Variants in CFAP44 observed in about 807,000 individuals in gnomAD.
CFAP44 encodes cilia- and flagella-associated protein 44.
In CFAP44, 134 loss-of-function variants were observed where a neutral mutation model predicts 216.2. That is an observed-to-expected ratio of 0.62 (90% confidence interval 0.54 to 0.72). CFAP44 has a LOEUF of 0.72. Among genes scored for constraint, CFAP44 ranks in the 30% least tolerant of loss-of-function variants. The pLI is 0.00. For synonymous variants in CFAP44, 700 were observed against 727.6 expected (o/e 0.96, Z 0.61); for missense variants, 2,035 against 2,182.1 (o/e 0.93, Z 1.34).
chr3:113,347,617 T>C (rs1337323671), intron 22 of CFAP44, among the ~76,000 whole-genome samples: 1 of 152,096 alleles, frequency 6.6e-6, no homozygotes, highest in Non-Finnish European at 1.5e-5. Flanking sequence ...CAAAGCCCCA[T>C]TGGGTGGGGA....
chr3:113,430,417 GGAAAAATAAAT>G (rs201576396), intron 2 of CFAP44, among the ~76,000 whole-genome samples: 27,292 of 127,206 alleles, frequency 0.21, 2,961 homozygotes, highest in East Asian at 0.49. Context: ...TCAAGAAGCT[GGAAAAATAAAT>G]GAAAAAAAAA....
intron 24 of CFAP44, among the ~76,000 whole-genome samples, chr3:113,335,815 C>T (rs1017285975): frequency 2.0e-5 from 3 of 152,312 alleles, no homozygotes; most frequent in South Asian, 2.1e-4. Flanking sequence ...TGAATTTTTA[C>T]GTAGATAGAC....
chr3:113,302,452 C>G (rs1361817438), intron 32 of CFAP44, among the ~76,000 whole-genome samples: 4 of 74,842 alleles, frequency 5.3e-5, no homozygotes, highest in Non-Finnish European at 7.6e-5. Context: ...ATACACTAGA[C>G]AAAGTAAAAA....
Position 113,291,479 on chromosome 3 carries a change from T to G in CFAP44, c.*78A>C. The G allele has an allele frequency of 3.5e-6, 5 of 1,439,600 alleles. No individual in the cohort carries two copies. Among genetic ancestry groups the G allele is most frequent in the African/African-American group, 1.4e-5 (1 of 70,704 alleles). 89.2% of individuals were successfully genotyped at this position (1,439,600 alleles called of 1,614,324 possible). A position where few individuals can be genotyped will look rare whatever the true frequency, so the allele number is the denominator to read the frequency against. On this transcript the variant is annotated 3_prime_UTR_variant, in exon 35 of 35. Coordinates refer to ENST00000393845, the MANE Select transcript of CFAP44 (RefSeq NM_001164496.2). ...GCGAGTTCAGTTTAAAGTAATAAGA[T>G]TGTTGGAGGTGATGAGGAGACAGAA...
chr3:113,428,329 G>A (rs571659323), intron 2 of CFAP44, among the ~76,000 whole-genome samples: 44 of 152,296 alleles, frequency 2.9e-4, no homozygotes, highest in East Asian at 1.9e-4. Flanking sequence ...AATGAATTGC[G>A]AGTGAATACA....
intron 17 of CFAP44, among the ~76,000 whole-genome samples, chr3:113,377,190 T>C (rs1933369666): frequency 1.3e-5 from 2 of 152,132 alleles, no homozygotes; most frequent in South Asian, 4.2e-4. Context: ...ATGTAATAAT[T>C]TGGAAAGTGA....
rs1339370626 is a variant in CFAP44, at chr3:113,319,315, C to G, written c.4516+7130G>C. Among the ~76,000 whole-genome samples the G allele has an allele frequency of 2.0e-5, 3 of 152,180 alleles. No homozygotes were observed. In the East Asian group the frequency reaches 5.8e-4, roughly 29 times the overall value. On this transcript the variant is annotated intron_variant, in intron 28 of 34. Coordinates refer to ENST00000393845, the MANE Select transcript of CFAP44 (RefSeq NM_001164496.2). ...ATATCAGATAAAACAGACTTTAAAC[C>G]AATAAAAATTAAGAAGGATAATGAA...
rs1159899726 is a variant in CFAP44, at chr3:113,438,503, C to T, written c.-6+2950G>A. ...ACTGGATAAGGTTGTTCTGAGTCAA[C>T]ACAGGAAAGCTCTAAGAATGATACA... is the stretch of plus-strand genomic sequence containing the variant. On this transcript the variant is annotated intron_variant, in intron 1 of 34. Coordinates refer to ENST00000393845, the MANE Select transcript of CFAP44 (RefSeq NM_001164496.2). Among the ~76,000 whole-genome samples, 3 of 152,136 alleles carry T rather than the reference C, an allele frequency of 2.0e-5. No homozygotes were observed. In the East Asian group the frequency reaches 5.8e-4, roughly 29 times the overall value.
intron 15 of CFAP44, among the ~76,000 whole-genome samples, chr3:113,389,017 C>T (rs2107346670): frequency 6.6e-6 from 1 of 152,248 alleles, no homozygotes; most frequent in South Asian, 2.1e-4. Context: ...GCACTATAGA[C>T]CAAATTGACC....
chr3:113,305,684 G>C (rs1390974210), intron 30 of CFAP44, among the ~76,000 whole-genome samples: 1 of 152,190 alleles, frequency 6.6e-6, no homozygotes, highest in Non-Finnish European at 1.5e-5. Context: ...AAGTGATGTT[G>C]CTCTAGACAA....
intron 24 of CFAP44, among the ~76,000 whole-genome samples, chr3:113,337,479 A>C (rs1950290748): frequency 6.6e-6 from 1 of 152,182 alleles, no homozygotes; most frequent in African/African-American, 2.4e-5. Context: ...TGGAAAGACA[A>C]AGTAATTATA....
At chr3:113,400,391 G>T (rs1040691778) in intron 12 of CFAP44, among the ~76,000 whole-genome samples, 154 bp downstream of exon 12, 2 of 151,898 alleles carry the variant, frequency 1.3e-5, no homozygotes, top group African/African-American at 4.8e-5. Context: ...TGTGTTTTGT[G>T]GCCTCTCCTC....
At chr3:113,399,853 A>C (rs1934094606) in intron 13 of CFAP44, 53 bp downstream of exon 13, 2 of 1,224,190 alleles carry the variant, frequency 1.6e-6, no homozygotes. Flanking sequence ...AATAGCATTG[A>C]TATACCATAT....
chr3:113,311,354 G>C (rs1245958635), intron 28 of CFAP44, among the ~76,000 whole-genome samples: 1 of 152,202 alleles, frequency 6.6e-6, no homozygotes. Flanking sequence ...GGGACCTGGT[G>C]GGAAATAATT....
At chr3:113,334,270 T>C (rs1202463786) in intron 24 of CFAP44, among the ~76,000 whole-genome samples, 2 of 152,198 alleles carry the variant, frequency 1.3e-5, no homozygotes, top group Non-Finnish European at 2.9e-5. Flanking sequence ...TGTAATTGCA[T>C]AAGTGCTTGC....
intron 2 of CFAP44, among the ~76,000 whole-genome samples, chr3:113,430,429 G>GAAAAAAAAAAAAAAAAAA (rs754983161): frequency 2.4e-4 from 18 of 74,130 alleles, no homozygotes; most frequent in East Asian, 9.0e-4. Context: ...AAAAATAAAT[G>GAAAAAAAAAAAAAAAAAA]AAAAAAAAAA....
At chr3:113,426,326 C>A in intron 3 of CFAP44, 49 bp from the exon 4 acceptor site, 1 of 1,583,120 alleles carries the variant, frequency 6.3e-7, no homozygotes, top group Non-Finnish European at 8.6e-7. Flanking sequence ...TGGCTGTGTC[C>A]CCACCCAAAT....
At chr3:113,337,369 A>T (rs1320612590) in intron 24 of CFAP44, among the ~76,000 whole-genome samples, 1 of 152,120 alleles carries the variant, frequency 6.6e-6, no homozygotes, top group Non-Finnish European at 1.5e-5. Context: ...CAATAAAGAT[A>T]CAAATTCTCC....
intron 15 of CFAP44, among the ~76,000 whole-genome samples, chr3:113,382,067 A>T (rs1292816111): frequency 1.3e-5 from 2 of 152,158 alleles, no homozygotes. Flanking sequence ...ACCATGTGCA[A>T]AAGTCCTGTG....
Sources: allele counts gnomAD v4.1 joint callset (sites outside exome capture counted in the v4.1 genomes callset), GRCh38; gene constraint gnomAD v4.1.1; transcripts MANE v1.5; gene names NCBI Gene and HGNC (gene_info 2026-07-23, HGNC 2026-07-21).